DOCK8: variants seen among roughly 807,000 people sequenced by gnomAD.
DOCK8 encodes dedicator of cytokinesis 8, also known as dedicator of cytokinesis protein 8.
Under a neutral mutation model 245.6 loss-of-function variants are expected in DOCK8, and 141 were observed. That is an observed-to-expected ratio of 0.57 (90% CI 0.50 to 0.66). DOCK8 has a LOEUF of 0.66. DOCK8 is among the 30% of genes least tolerant of loss of function. DOCK8 has a pLI of 0.00. For missense variants in DOCK8, 2,965 were observed against 2,603.4 expected, an observed-to-expected ratio of 1.14 and a Z score of -3.02; for synonymous variants, 1,168 against 970.2, an observed-to-expected ratio of 1.20 and a Z score of -3.79.
At chr9:274,465 C>CTT (rs71312800) in intron 2 of DOCK8, among the ~76,000 whole-genome samples, 7,405 of 144,984 alleles carry the variant, frequency 0.051, 593 homozygotes, top group African/African-American at 0.17. Context: ...GGATTGAATT[C>CTT]TTTTTTTTTT....
chr9:306,860 G>A (rs1349956475), intron 5 of DOCK8, among the ~76,000 whole-genome samples: 18 of 152,190 alleles, frequency 1.2e-4, no homozygotes, highest in Admixed American at 1.0e-3. Flanking sequence ...GAGCCTGAGA[G>A]CAAGGACTGA....
rs79756957 is a variant in DOCK8, at chr9:263,744, T to G, written c.54-7883T>G. Among the ~76,000 whole-genome samples the G allele has an allele frequency of 3.3e-5, 5 of 152,378 alleles. No homozygotes were observed. In the East Asian group the frequency reaches 9.6e-4, roughly 29 times the overall value. Reference sequence around the variant, plus strand: ...GTAGAAAATTCTAGATTGTTAGTTATTTTATTTCAGCACTTTGAAGATGTC... The same window carrying G: ...GTAGAAAATTCTAGATTGTTAGTTAGTTTATTTCAGCACTTTGAAGATGTC... On this transcript the variant is annotated intron_variant, in intron 1 of 47. Transcript: ENST00000432829.
Position 464,165 on chromosome 9 carries a change from C to T in DOCK8, c.6246C>T (p.Ser2082=). 6.2e-7 allele frequency: 1 copy of T among 1,613,568 alleles called. No homozygotes were observed. Among genetic ancestry groups the T allele is most frequent in the Non-Finnish European group, 8.5e-7 (1 of 1,179,458 alleles). The change falls in exon 48 of 48, where the codon TCC becomes TCT. Residue 2082 remains serine, a synonymous_variant. Coordinates refer to ENST00000432829, the MANE Select transcript of DOCK8 (RefSeq NM_203447.4). ...IFRVESQKRD[S]FHRSSFRKCE... is the part of the protein sequence containing the mutation. ...TCTCTTTTCTTAATTTCAGGGACTC[C>T]TTCCACAGATCTAGTTTCAGGAAAT...
Position 227,127 on chromosome 9 carries a change from G to A in DOCK8, c.53+12098G>A, listed in dbSNP as rs149557196. Among the ~76,000 whole-genome samples the A allele has an allele frequency of 2.8e-3, 427 of 152,252 alleles. 4 individuals carry two copies. The highest frequency in any genetic ancestry group is 9.6e-3 in the African/African-American group (398 of 41,534). On this transcript the variant is annotated intron_variant, in intron 1 of 47. Transcript: ENST00000432829. ...GACATGCATGTATGAGTGTATGTAT[G>A]CATGCATATTTTGCAAGTTTTCCTC...
At chr9:407,174 G>A (rs1379883767) in intron 28 of DOCK8, 105 bp downstream of exon 28, 4 of 1,527,770 alleles carry the variant, frequency 2.6e-6, no homozygotes, top group East Asian at 2.4e-5. Context: ...CTCTACTGTA[G>A]TTGACCAGTT....
chr9:294,117 A>G (rs1039745643), intron 4 of DOCK8, among the ~76,000 whole-genome samples: 14 of 152,228 alleles, frequency 9.2e-5, no homozygotes, highest in African/African-American at 2.4e-4. Flanking sequence ...ATAACTGTCC[A>G]TGTCAGAGCT....
intron 14 of DOCK8, among the ~76,000 whole-genome samples, chr9:349,635 C>G (rs906310971): frequency 6.6e-6 from 1 of 152,204 alleles, no homozygotes; most frequent in African/African-American, 2.4e-5. Flanking sequence ...TGAGCTTTCT[C>G]TCCTATCAGG....
intron 39 of DOCK8, among the ~76,000 whole-genome samples, chr9:438,548 C>G (rs2056979763): frequency 6.6e-6 from 1 of 152,190 alleles, no homozygotes; most frequent in Non-Finnish European, 1.5e-5. Flanking sequence ...CGAGCGGGTA[C>G]AAGATCAGTA....
chr9:266,331 C>A (rs955716938), intron 1 of DOCK8, among the ~76,000 whole-genome samples: 4 of 152,092 alleles, frequency 2.6e-5, no homozygotes, highest in Non-Finnish European at 4.4e-5. Context: ...GGAACAGCAA[C>A]AGAGAGCCCA....
intron 46 of DOCK8, among the ~76,000 whole-genome samples, chr9:457,410 A>C (rs758597130): frequency 6.6e-6 from 1 of 152,254 alleles, no homozygotes; most frequent in Non-Finnish European, 1.5e-5. Flanking sequence ...ATAAGACTTC[A>C]TACATACTAA....
chr9:235,347 G>T (rs980215602), intron 1 of DOCK8, among the ~76,000 whole-genome samples: 2 of 152,182 alleles, frequency 1.3e-5, no homozygotes, highest in Non-Finnish European at 1.5e-5. Flanking sequence ...GGGGGTCAGG[G>T]ACCCACTTGA....
intron 26 of DOCK8, among the ~76,000 whole-genome samples, chr9:402,543 G>A (rs1021930971): frequency 3.3e-5 from 5 of 152,188 alleles, no homozygotes; most frequent in Admixed American, 1.3e-4. Context: ...ACCCCCATTC[G>A]TGGTGATTTA....
rs1002569139 is a variant in DOCK8, at chr9:371,483, A to G, written c.1924A>G (p.Asn642Asp). 6.2e-7 allele frequency: 1 copy of G among 1,614,074 alleles called. No homozygotes were observed. The highest frequency in any genetic ancestry group is 8.5e-7 in the Non-Finnish European group (1 of 1,180,034). Reference sequence around the variant, plus strand: ...TAAGCTCCCCGCTAAGCTCACAGTAAATCACCACCTCCTGTTCACCTTCTA... The same window carrying G: ...TAAGCTCCCCGCTAAGCTCACAGTAGATCACCACCTCCTGTTCACCTTCTA... ...KIKLPAKLTVNHHLLFTFYHI... is the reference protein window; with the variant it reads ...KIKLPAKLTVDHHLLFTFYHI... Residue 642 changes from asparagine (N) to aspartate (D), a missense_variant, in exon 17 of 48, where the codon AAT (asparagine) becomes GAT (aspartate). Transcript: ENST00000432829.
intron 1 of DOCK8, among the ~76,000 whole-genome samples, chr9:247,406 G>C (rs12115552): frequency 0.26 from 39,189 of 151,970 alleles, 5,680 homozygotes; most frequent in East Asian, 0.4. Flanking sequence ...GGGTATTTTC[G>C]ACAGCAAATA....
chr9:246,982 G>T (rs2047520688), intron 1 of DOCK8, among the ~76,000 whole-genome samples: 1 of 151,662 alleles, frequency 6.6e-6, no homozygotes, highest in South Asian at 2.1e-4. Flanking sequence ...TGATACCACA[G>T]AAAAAAAATG....
intron 1 of DOCK8, among the ~76,000 whole-genome samples, chr9:245,092 C>A (rs2047475756): frequency 6.6e-6 from 1 of 152,144 alleles, no homozygotes. Context: ...GATTTCAGGT[C>A]CCAGGCCCCT....
intron 1 of DOCK8, among the ~76,000 whole-genome samples, chr9:244,311 G>A (rs1451019751): frequency 6.6e-6 from 1 of 150,566 alleles, no homozygotes; most frequent in Non-Finnish European, 1.5e-5. Context: ...CATATATACT[G>A]AAACGAAACC....
rs1196710789 is a variant in DOCK8, at chr9:359,650, G to A, written c.1680-8368G>A. ...TTACTGACATTAGTAGGCATTTGAA[G>A]TTCACTCTGATGGGATCAGTCTATT... On this transcript the variant is annotated intron_variant, in intron 14 of 47. Coordinates refer to ENST00000432829, the MANE Select transcript of DOCK8 (RefSeq NM_203447.4). Among the ~76,000 whole-genome samples the A allele has an allele frequency of 3.9e-5, 6 of 152,222 alleles. No homozygotes were observed. The East Asian group carries it at 1.2e-3, about 29-fold the overall frequency.
At chr9:269,552 C>CTTT (rs57326015) in intron 1 of DOCK8, among the ~76,000 whole-genome samples, 2,163 of 104,942 alleles carry the variant, frequency 0.021, 105 homozygotes, top group African/African-American at 0.071. Context: ...GTGTGGTTGT[C>CTTT]TTTTTTTTTT....
Sources: allele counts gnomAD v4.1 joint callset (sites outside exome capture counted in the v4.1 genomes callset), GRCh38; gene constraint gnomAD v4.1.1; transcripts MANE v1.5; gene names NCBI Gene and HGNC (gene_info 2026-07-23, HGNC 2026-07-21).